The following SORCS3 variants were observed in gnomAD, a reference collection of about 807,000 sequenced individuals.
SORCS3 encodes VPS10 domain-containing receptor SorCS3.
A neutral mutation model predicts 146.3 loss-of-function variants in SORCS3; 57 were observed. The observed-to-expected ratio is 0.39, with a 90% CI of 0.31 to 0.49. SORCS3 has a LOEUF of 0.49. Among genes scored for constraint, SORCS3 ranks in the 20% least tolerant of loss-of-function variants. The probability of loss-of-function intolerance (pLI) is 0.92; values close to 1 mark genes in which losing one functional copy is unlikely to be tolerated. For synonymous variants in SORCS3, 653 were observed against 618.5 expected (o/e 1.06, Z -0.83); for missense variants, 1,341 against 1,575.5 (o/e 0.85, Z 2.52).
At chr10:104,670,113 T>C (rs1030643459) in intron 1 of SORCS3, among the ~76,000 whole-genome samples, 38 of 152,190 alleles carry the variant, frequency 2.5e-4, no homozygotes, top group Admixed American at 2.0e-3. Context: ...CTATATATTC[T>C]GCATACCAAC....
At chr10:104,942,490 A>G (rs1399236583) in intron 3 of SORCS3, among the ~76,000 whole-genome samples, 1 of 152,248 alleles carries the variant, frequency 6.6e-6, no homozygotes, top group Admixed American at 6.5e-5. Flanking sequence ...GAATGACATT[A>G]TAAGAAATAA....
chr10:104,700,974 T>C (rs1455476284), intron 1 of SORCS3, among the ~76,000 whole-genome samples: 1 of 152,200 alleles, frequency 6.6e-6, no homozygotes, highest in Non-Finnish European at 1.5e-5. Context: ...TATTATTGCT[T>C]AGCCTTCAGA....
chr10:105,193,845 A>C (rs957475260), intron 14 of SORCS3, among the ~76,000 whole-genome samples: 1 of 152,162 alleles, frequency 6.6e-6, no homozygotes, highest in Non-Finnish European at 1.5e-5. Context: ...GACCACCTGT[A>C]ACCAGAGTCA....
At chr10:104,905,930 T>C (rs768798581) in intron 2 of SORCS3, among the ~76,000 whole-genome samples, 3 of 152,272 alleles carry the variant, frequency 2.0e-5, no homozygotes, top group Middle Eastern at 3.4e-3. Flanking sequence ...GGCATTGTGC[T>C]TATTACAGAA....
intron 4 of SORCS3, among the ~76,000 whole-genome samples, chr10:105,031,547 CA>C: frequency 6.6e-6 from 1 of 152,276 alleles, no homozygotes; most frequent in South Asian, 2.1e-4. Flanking sequence ...TCCCCTTAAT[CA>C]AAATGTTCAT....
intron 2 of SORCS3, among the ~76,000 whole-genome samples, chr10:104,878,051 A>T (rs185934616): frequency 5.4e-4 from 83 of 152,320 alleles, no homozygotes; most frequent in Non-Finnish European, 1.1e-3. Context: ...CTTTTGGGAA[A>T]TATACACAGA....
intron 3 of SORCS3, among the ~76,000 whole-genome samples, chr10:104,969,350 C>CGT (rs2054845780): frequency 2.0e-5 from 3 of 149,954 alleles, no homozygotes; most frequent in African/African-American, 7.4e-5. Flanking sequence ...TGCGCGCGCG[C>CGT]GTACAGAGCA....
chr10:104,778,155 C>T (rs775703075), intron 1 of SORCS3, among the ~76,000 whole-genome samples: 10 of 152,090 alleles, frequency 6.6e-5, no homozygotes, highest in African/African-American at 9.7e-5. Context: ...ATGTCTTAGA[C>T]GATGGATATC....
At chr10:105,034,678 G>T (rs537785154) in intron 4 of SORCS3, among the ~76,000 whole-genome samples, 3 of 152,290 alleles carry the variant, frequency 2.0e-5, no homozygotes, top group African/African-American at 7.2e-5. Flanking sequence ...ATCATCCAAA[G>T]ATACAAATGT....
intron 4 of SORCS3, among the ~76,000 whole-genome samples, chr10:104,984,585 A>C (rs766236152): frequency 3.3e-5 from 5 of 152,196 alleles, no homozygotes; most frequent in Non-Finnish European, 7.3e-5. Context: ...GCCTAACATT[A>C]AGGGACTTTA....
intron 1 of SORCS3, among the ~76,000 whole-genome samples, chr10:104,713,760 T>TA (rs2016446004): frequency 6.6e-6 from 1 of 152,248 alleles, no homozygotes; most frequent in African/African-American, 2.4e-5. Flanking sequence ...TTTCCTGTCT[T>TA]ACAATGCTGT....
At chr10:105,078,639 A>C (rs2055604060) in intron 5 of SORCS3, among the ~76,000 whole-genome samples, 1 of 152,186 alleles carries the variant, frequency 6.6e-6, no homozygotes, top group Non-Finnish European at 1.5e-5. Context: ...AGTTGCACTT[A>C]CGATATTTTG....
At chr10:105,129,955 C>G (rs2056006272) in intron 7 of SORCS3, among the ~76,000 whole-genome samples, 1 of 152,094 alleles carries the variant, frequency 6.6e-6, no homozygotes. Flanking sequence ...CTTGAAGCCT[C>G]CAGGTTGCAT....
intron 2 of SORCS3, among the ~76,000 whole-genome samples, chr10:104,902,328 C>G (rs888197236): frequency 1.3e-5 from 2 of 152,174 alleles, no homozygotes; most frequent in Non-Finnish European, 2.9e-5. Context: ...TCCCTTTACC[C>G]AGGGGAGCAC....
In SORCS3 at chr10:104,910,418, C is replaced by T. The variant is rs529705392; in HGVS notation, c.696-5415C>T. Among the ~76,000 whole-genome samples the T allele has an allele frequency of 1.3e-4, 19 of 151,854 alleles. No homozygotes were observed. The South Asian group carries it at 4.0e-3, about 32-fold the overall frequency. ...TTTGTTGTAACATTGTTTATAATAG[C>T]AAATTAAAAAAAATACTTCTCAGTG... is the stretch of plus-strand genomic sequence containing the variant. On this transcript the variant is annotated intron_variant, in intron 2 of 26. Transcript: ENST00000369701.
At chr10:104,720,841 A>C (rs984096509) in intron 1 of SORCS3, among the ~76,000 whole-genome samples, 1 of 151,900 alleles carries the variant, frequency 6.6e-6, no homozygotes, top group African/African-American at 2.4e-5. Flanking sequence ...TTTTCTTGTA[A>C]ATTTGTTTGA....
At chr10:104,992,314 T>C (rs2054999232) in intron 4 of SORCS3, among the ~76,000 whole-genome samples, 1 of 152,198 alleles carries the variant, frequency 6.6e-6, no homozygotes, top group Non-Finnish European at 1.5e-5. Flanking sequence ...GAGGACCCCT[T>C]GGAAGAACAT....
Position 105,167,327 on chromosome 10 carries a change from C to A in SORCS3, c.1879C>A (p.Pro627Thr), listed in dbSNP as rs547265748. ...TGCCCTCGTGGCCATGAAACACACA[C>A]CTCTGCCAGTCAGGCATTTGTGGTA... Reference protein sequence around the residue: ...GGALVAMKHTPLPVRHLWVSF... With the variant: ...GGALVAMKHTTLPVRHLWVSF... Residue 627 changes from proline to threonine, a missense_variant, in exon 13 of 27, where the codon CCT becomes ACT. By Grantham distance (38) the Pro-to-Thr change is conservative (BLOSUM62 -1). Transcript: ENST00000369701. The A allele has an allele frequency of 3.1e-6, 5 of 1,613,286 alleles. No homozygotes were observed. Among genetic ancestry groups the A allele is most frequent in the Non-Finnish European group, 4.2e-6 (5 of 1,179,454 alleles).
At chr10:104,676,912 A>T (rs1483174402) in intron 1 of SORCS3, among the ~76,000 whole-genome samples, 2 of 152,136 alleles carry the variant, frequency 1.3e-5, no homozygotes, top group Non-Finnish European at 2.9e-5. Flanking sequence ...TCCAGATCAT[A>T]TGAGGTTCTT....
Sources: gnomAD v4.1 joint callset for allele counts (sites outside exome capture counted in the v4.1 genomes callset) on GRCh38, gnomAD v4.1.1 for gene constraint, MANE v1.5 for transcripts, NCBI Gene and HGNC (gene_info 2026-07-23, HGNC 2026-07-21) for gene names.